PIEZO2: variants seen among roughly 807,000 people sequenced by gnomAD.
PIEZO2 encodes piezo-type mechanosensitive ion channel component 2.
A neutral mutation model predicts 337.3 loss-of-function variants in PIEZO2; 172 were observed. That is an observed-to-expected ratio of 0.51 (90% CI 0.45 to 0.58). The LOEUF is 0.58. PIEZO2 is among the 20% of genes least tolerant of loss of function. The probability of loss-of-function intolerance (pLI) is 0.00; values close to 1 mark genes in which losing one functional copy is unlikely to be tolerated. For synonymous variants in PIEZO2, 1,251 were observed against 1,228.5 expected (o/e 1.02, Z -0.38); for missense variants, 3,028 against 3,391.3 (o/e 0.89, Z 2.66).
intron 3 of PIEZO2, among the ~76,000 whole-genome samples, chr18:10,975,450 C>G (rs959029632): frequency 6.6e-6 from 1 of 152,038 alleles, no homozygotes; most frequent in East Asian, 1.9e-4. Flanking sequence ...CCTCACTTAC[C>G]TATAAGAACA....
Position 10,946,857 on chromosome 18 carries a change from G to A in PIEZO2, c.286+32678C>T, listed in dbSNP as rs118170369. 4.8e-3 allele frequency among the ~76,000 whole-genome samples: 730 copies of A among 152,198 alleles called. 11 individuals carry two copies. The highest frequency in any genetic ancestry group is 4.1e-3 in the Non-Finnish European group (281 of 68,012). ...TAGAACAAGGAAAATTATAACTTGAGTAAGAAAAGGGCACTAACAGACACC... is the reference window on the plus strand; with the variant it reads ...TAGAACAAGGAAAATTATAACTTGAATAAGAAAAGGGCACTAACAGACACC... On this transcript the variant is annotated intron_variant, in intron 3 of 55. Transcript: ENST00000674853.
intron 2 of PIEZO2, among the ~76,000 whole-genome samples, chr18:11,004,596 C>A (rs930310400): frequency 6.6e-6 from 1 of 152,100 alleles, no homozygotes; most frequent in Non-Finnish European, 1.5e-5. Flanking sequence ...GCAAAATAAA[C>A]CAATAATATA....
rs371668079 is a variant in PIEZO2, at chr18:11,025,088, A to G, written c.160+41039T>C. On this transcript the variant is annotated intron_variant, in intron 2 of 55. Transcript: ENST00000674853. ...CTCTCTTGAGGGGTGGAGTGCACTGATTAGGAATGTAGGCTCTCAAGCCAA... is the reference window on the plus strand; with the variant it reads ...CTCTCTTGAGGGGTGGAGTGCACTGGTTAGGAATGTAGGCTCTCAAGCCAA... Among the ~76,000 whole-genome samples, 145 of 152,136 alleles carry G rather than the reference A, an allele frequency of 9.5e-4. 1 individual carries two copies. The highest frequency in any genetic ancestry group is 3.3e-3 in the African/African-American group (139 of 41,504).
intron 2 of PIEZO2, among the ~76,000 whole-genome samples, chr18:11,029,553 T>C (rs138127471): frequency 6.6e-6 from 1 of 152,290 alleles, no homozygotes; most frequent in East Asian, 1.9e-4. Flanking sequence ...ATTCTCCTAC[T>C]TAAAGTCTCT....
intron 2 of PIEZO2, among the ~76,000 whole-genome samples, chr18:11,052,631 A>G (rs1007467507): frequency 6.6e-6 from 1 of 152,220 alleles, no homozygotes; most frequent in Non-Finnish European, 1.5e-5. Flanking sequence ...TCAATAAGAT[A>G]TATAAAATCT....
At chr18:10,947,356 A>AT (rs1357111544) in intron 3 of PIEZO2, among the ~76,000 whole-genome samples, 1 of 152,120 alleles carries the variant, frequency 6.6e-6, no homozygotes, top group African/African-American at 2.4e-5. Flanking sequence ...GTGACACAAT[A>AT]TTTTTCAAGT....
chr18:10,792,319 A>G (rs1342507624), intron 13 of PIEZO2, among the ~76,000 whole-genome samples: 1 of 152,160 alleles, frequency 6.6e-6, no homozygotes, highest in East Asian at 1.9e-4. Context: ...ACCCATTTAA[A>G]TTGTCTAATT....
chr18:10,997,025 C>T (rs1334916228), intron 2 of PIEZO2, among the ~76,000 whole-genome samples: 1 of 152,032 alleles, frequency 6.6e-6, no homozygotes, highest in Non-Finnish European at 1.5e-5. Flanking sequence ...CCCAGTGTTG[C>T]CCCAAATCAT....
chr18:10,957,298 G>A (rs1184505647), intron 3 of PIEZO2, among the ~76,000 whole-genome samples: 8 of 152,004 alleles, frequency 5.3e-5, no homozygotes, highest in Non-Finnish European at 8.8e-5. Context: ...TTGGGGGGCT[G>A]AGGTAAGAGA....
chr18:11,091,546 A>G (rs1032614955), intron 1 of PIEZO2, among the ~76,000 whole-genome samples: 15 of 152,178 alleles, frequency 9.9e-5, no homozygotes, highest in African/African-American at 3.6e-4. Context: ...TAGACAAATT[A>G]CTTAACAAAC....
intron 27 of PIEZO2, among the ~76,000 whole-genome samples, chr18:10,756,929 A>C (rs2037885738): frequency 1.3e-5 from 1 of 78,958 alleles, no homozygotes; most frequent in Admixed American, 1.1e-4. Context: ...TGAGGGATGG[A>C]GGAGGAGAAG....
chr18:10,737,256 A>G (rs535956400), intron 33 of PIEZO2, among the ~76,000 whole-genome samples: 19 of 149,672 alleles, frequency 1.3e-4, no homozygotes, highest in African/African-American at 4.8e-4. Context: ...ATGTAACACA[A>G]GGGACAAAAC....
intron 1 of PIEZO2, among the ~76,000 whole-genome samples, chr18:11,137,124 G>A (rs1285588694): frequency 6.6e-6 from 1 of 152,132 alleles, no homozygotes; most frequent in Non-Finnish European, 1.5e-5. Context: ...TCTGTATTAG[G>A]AGCAGGTGAG....
chr18:10,806,028 T>C (rs1238740015), intron 8 of PIEZO2, among the ~76,000 whole-genome samples: 1 of 152,262 alleles, frequency 6.6e-6, no homozygotes, highest in African/African-American at 2.4e-5. Flanking sequence ...AAGTCATTGC[T>C]CTATGCTGGC....
rs2038985778 is a variant in PIEZO2 at position 10,781,591 on chromosome 18, A to G, written c.2493-1225T>C. On this transcript the variant is annotated intron_variant, in intron 17 of 55. Transcript: ENST00000674853. The surrounding 1 kb of genome is among the most constrained non-coding windows in gnomAD (Gnocchi z 4.1). ...TCTTATAATATGAAATTCTATCAAT[A>G]TATAGGTGAAATAATATTCCTGAGA... is the stretch of plus-strand genomic sequence containing the variant. Among the ~76,000 whole-genome samples, 1 of 152,140 alleles carries G rather than the reference A, an allele frequency of 6.6e-6. No individual in the cohort carries two copies. Among genetic ancestry groups the G allele is most frequent in the Admixed American group, 6.5e-5 (1 of 15,278 alleles).
intron 2 of PIEZO2, among the ~76,000 whole-genome samples, chr18:11,005,260 G>C (rs2035678312): frequency 6.6e-6 from 1 of 152,216 alleles, no homozygotes; most frequent in Admixed American, 6.5e-5. Context: ...CTCCTGTACA[G>C]AGTTATCCTG....
In PIEZO2 at chr18:11,016,333, G is replaced by GA. The variant is rs941754212; in HGVS notation, c.161-36674dup. 2.0e-5 allele frequency among the ~76,000 whole-genome samples: 3 copies of GA among 152,114 alleles called. No homozygotes were observed. The highest frequency in any genetic ancestry group is 7.2e-5 in the African/African-American group (3 of 41,410). On this transcript the variant is annotated intron_variant, in intron 2 of 55. Transcript: ENST00000674853. The surrounding 1 kb of genome is among the most constrained non-coding windows in gnomAD (Gnocchi z 5.6). ...ATGTGGCGGTAGAGACGGTCAGAGCGAAAAAACAGGCACAGAGCAAGGACA... is the reference window on the plus strand; with the variant it reads ...ATGTGGCGGTAGAGACGGTCAGAGCGAAAAAAACAGGCACAGAGCAAGGACA...
At chr18:10,822,365 T>C (rs2144471628) in intron 7 of PIEZO2, among the ~76,000 whole-genome samples, 1 of 152,348 alleles carries the variant, frequency 6.6e-6, no homozygotes, top group African/African-American at 2.4e-5. Context: ...CCCAATAAAG[T>C]TGGTATTCTT....
chr18:10,696,726 A>AT (rs2035107233), intron 45 of PIEZO2, among the ~76,000 whole-genome samples, 187 bp from the exon 46 acceptor site: 1 of 152,150 alleles, frequency 6.6e-6, no homozygotes, highest in Non-Finnish European at 1.5e-5. Context: ...GCGTATACAC[A>AT]TTTACTGCCA....
Sources: allele counts gnomAD v4.1 joint callset (sites outside exome capture counted in the v4.1 genomes callset), GRCh38; gene constraint gnomAD v4.1.1; non-coding constraint Gnocchi (gnomAD v3.1); transcripts MANE v1.5; gene names NCBI Gene and HGNC (gene_info 2026-07-23, HGNC 2026-07-21).